Variants in UNC13C observed in about 807,000 individuals in gnomAD.
UNC13C encodes the protein unc-13 homolog C.
UNC13C carries 174 observed loss-of-function variants against 245.4 expected under a neutral mutation model. The ratio of observed to expected loss-of-function variants is 0.71; its 90% CI spans 0.63 to 0.80. UNC13C has a LOEUF of 0.80. UNC13C is among the 30% of genes least tolerant of loss of function. UNC13C has a pLI of 0.00. For synonymous variants in UNC13C, 992 were observed against 895.1 expected, an observed-to-expected ratio of 1.11 and a Z score of -1.93; for missense variants, 2,829 against 2,602.9, an observed-to-expected ratio of 1.09 and a Z score of -1.89.
the UNC13C span, among the ~76,000 whole-genome samples, chr15:53,858,999 A>G: frequency 6.6e-6 from 1 of 152,124 alleles, no homozygotes; most frequent in African/African-American, 2.4e-5. Context: ...AATGGTAATT[A>G]ATATTTGAAG....
At chr15:54,420,601 G>A (rs527807925) in intron 19 of UNC13C, among the ~76,000 whole-genome samples, 2 of 151,792 alleles carry the variant, frequency 1.3e-5, no homozygotes, top group African/African-American at 2.4e-5. Context: ...GATCATTTCT[G>A]TATAATATTA....
the UNC13C span, among the ~76,000 whole-genome samples, chr15:53,856,069 T>G: frequency 1.3e-5 from 2 of 152,190 alleles, no homozygotes; most frequent in African/African-American, 4.8e-5. Context: ...TTTTCTAGTT[T>G]GTGTGCATAG....
At position 54,410,922 on chromosome 15, in the gene UNC13C, A is replaced by G. The variant is rs546236649; in HGVS notation, c.4848-4060A>G. Among the ~76,000 whole-genome samples the G allele has an allele frequency of 5.3e-4, 80 of 152,308 alleles. 1 individual carries two copies. The South Asian group carries it at 0.016, about 31-fold the overall frequency. ...ATTTGCCAAACTGCTTTCCAAAACAACTATAACATTTTGCATTCTCAAAAG... is the reference window on the plus strand; with the variant it reads ...ATTTGCCAAACTGCTTTCCAAAACAGCTATAACATTTTGCATTCTCAAAAG... On this transcript the variant is annotated intron_variant, in intron 18 of 32. Transcript: ENST00000260323.
chr15:54,212,096 T>C (rs2034898417), intron 4 of UNC13C, among the ~76,000 whole-genome samples: 3 of 152,132 alleles, frequency 2.0e-5, no homozygotes, highest in African/African-American at 7.2e-5. Context: ...ACTTGCTGAC[T>C]GGTACAACAT....
chr15:53,970,685 T>G, the UNC13C span, among the ~76,000 whole-genome samples: 1 of 152,018 alleles, frequency 6.6e-6, no homozygotes, highest in African/African-American at 2.4e-5. Context: ...GTTTGGGGGA[T>G]GCAGAGGGAG....
chr15:53,968,383 C>G, the UNC13C span, among the ~76,000 whole-genome samples: 1 of 152,048 alleles, frequency 6.6e-6, no homozygotes, highest in Non-Finnish European at 1.5e-5. Flanking sequence ...TCTATCAATC[C>G]AAGAGTAAGA....
intron 2 of UNC13C, among the ~76,000 whole-genome samples, chr15:54,081,977 T>C (rs929119966): frequency 6.6e-6 from 1 of 152,208 alleles, no homozygotes; most frequent in Non-Finnish European, 1.5e-5. Flanking sequence ...AGGGCTGGTC[T>C]GGTGGTTATG....
intron 22 of UNC13C, among the ~76,000 whole-genome samples, chr15:54,503,644 G>T (rs1894332430): frequency 6.6e-6 from 1 of 151,984 alleles, no homozygotes; most frequent in East Asian, 1.9e-4. Flanking sequence ...ATGTTGGCCA[G>T]GCTGGTCCCA....
At chr15:54,269,915 T>C (rs1281760068) in intron 10 of UNC13C, among the ~76,000 whole-genome samples, 1 of 152,210 alleles carries the variant, frequency 6.6e-6, no homozygotes, top group Non-Finnish European at 1.5e-5. Context: ...ATGAACTATA[T>C]ATAAGTACAT....
chr15:53,962,550 T>C, the UNC13C span, among the ~76,000 whole-genome samples: 18,648 of 152,136 alleles, frequency 0.12, 1,563 homozygotes, highest in East Asian at 0.3. Flanking sequence ...ATCATATCAA[T>C]AGAAAAAATA....
chr15:54,038,692 A>C (rs1428361091), intron 2 of UNC13C, among the ~76,000 whole-genome samples: 3 of 152,238 alleles, frequency 2.0e-5, no homozygotes, highest in Non-Finnish European at 4.4e-5. Flanking sequence ...TATCTTAAAC[A>C]TCTCAACACT....
chr15:54,331,431 C>T (rs2038432784), intron 14 of UNC13C, among the ~76,000 whole-genome samples: 1 of 152,058 alleles, frequency 6.6e-6, no homozygotes, highest in Non-Finnish European at 1.5e-5. Flanking sequence ...CAAGTGGAAG[C>T]AACAGAAGTT....
At chr15:54,069,091 C>G (rs964519564) in intron 2 of UNC13C, among the ~76,000 whole-genome samples, 5 of 152,128 alleles carry the variant, frequency 3.3e-5, no homozygotes, top group Non-Finnish European at 7.4e-5. Flanking sequence ...TCCTGAATAT[C>G]TTCAGAGAGC....
intron 18 of UNC13C, among the ~76,000 whole-genome samples, chr15:54,396,301 C>T (rs1246377031): frequency 2.0e-5 from 3 of 151,622 alleles, no homozygotes; most frequent in Non-Finnish European, 4.4e-5. Flanking sequence ...CTTTCTAATA[C>T]TATGAATTAG....
chr15:53,967,788 CA>C, the UNC13C span, among the ~76,000 whole-genome samples: 1 of 152,144 alleles, frequency 6.6e-6, no homozygotes, highest in Non-Finnish European at 1.5e-5. Flanking sequence ...AGAGTTGGCA[CA>C]AGCCAATTTG....
At chr15:54,083,826 G>A (rs998717166) in intron 2 of UNC13C, among the ~76,000 whole-genome samples, 1 of 152,168 alleles carries the variant, frequency 6.6e-6, no homozygotes, top group African/African-American at 2.4e-5. Context: ...CTGGTGCATC[G>A]TCTTGGGGGC....
chr15:53,947,082 A>G, the UNC13C span, among the ~76,000 whole-genome samples: 1 of 152,176 alleles, frequency 6.6e-6, no homozygotes, highest in East Asian at 1.9e-4. Context: ...AATATTTCCA[A>G]ATATAAGTAT....
chr15:53,906,232 G>T, the UNC13C span, among the ~76,000 whole-genome samples: 1 of 152,092 alleles, frequency 6.6e-6, no homozygotes. Flanking sequence ...AGGCTGAGGT[G>T]GGAGGATCAT....
At chr15:54,060,073 T>C (rs1243078352) in intron 2 of UNC13C, among the ~76,000 whole-genome samples, 1 of 152,130 alleles carries the variant, frequency 6.6e-6, no homozygotes, top group Admixed American at 6.5e-5. Context: ...ACTTCATGTC[T>C]AAAACACCAA....
Sources: gnomAD v4.1 joint callset for allele counts (sites outside exome capture counted in the v4.1 genomes callset) on GRCh38, gnomAD v4.1.1 for gene constraint, MANE v1.5 for transcripts, NCBI Gene and HGNC (gene_info 2026-07-23, HGNC 2026-07-21) for gene names.